Variants in PTPN18 observed in about 807,000 individuals in gnomAD.
PTPN18 encodes the protein tyrosine-protein phosphatase non-receptor type 18.
Under a neutral mutation model 65.4 loss-of-function variants are expected in PTPN18, and 65 were observed. That is an observed-to-expected ratio of 0.99 (90% CI 0.81 to 1.22). PTPN18 has a LOEUF of 1.22. Among genes scored for constraint, PTPN18 ranks in the 50% most tolerant of loss-of-function variants. PTPN18 has a pLI of 0.00. For synonymous variants in PTPN18, 255 were observed against 267.8 expected (o/e 0.95, Z 0.47); for missense variants, 616 against 646.5 (o/e 0.95, Z 0.51).
At chr2:130,367,802 T>C (rs1680434361) in intron 5 of PTPN18, among the ~76,000 whole-genome samples, 1 of 152,228 alleles carries the variant, frequency 6.6e-6, no homozygotes, top group South Asian at 2.1e-4. Flanking sequence ...TGTGGGTTCA[T>C]AGTTTCATCG....
At chr2:130,368,645 G>T (rs1301022620) in intron 5 of PTPN18, among the ~76,000 whole-genome samples, 1 of 152,168 alleles carries the variant, frequency 6.6e-6, no homozygotes, top group Non-Finnish European at 1.5e-5. Flanking sequence ...TTCTATGCAA[G>T]TTATTGTTTT....
At chr2:130,362,683 T>G (rs1478889795) in intron 5 of PTPN18, among the ~76,000 whole-genome samples, 3 of 152,234 alleles carry the variant, frequency 2.0e-5, no homozygotes, top group Non-Finnish European at 2.9e-5. Context: ...CACAGTACAC[T>G]GCTATTATAG....
At position 130,373,411 on chromosome 2, in the gene PTPN18, C is replaced by A; in HGVS notation, c.*187C>A. ...CAAGGCTTGAGGCTGGAGGAGGTAG[C>A]TAGGGTATAGTGGCTGGTGAGGCTG... On this transcript the variant is annotated 3_prime_UTR_variant, in exon 15 of 15. Transcript: ENST00000175756. The surrounding 1 kb of genome is among the most constrained non-coding windows in gnomAD (Gnocchi z 4.1). 1.6e-6 allele frequency: 1 copy of A among 607,464 alleles called. No individual in the cohort carries two copies. The highest frequency in any genetic ancestry group is 2.8e-6 in the Non-Finnish European group (1 of 361,896). 37.6% of individuals were successfully genotyped at this position (607,464 alleles called of 1,614,324 possible).
chr2:130,369,954 T>C, intron 7 of PTPN18, 94 bp from the exon 8 acceptor site: 1 of 1,553,348 alleles, frequency 6.4e-7, no homozygotes. Context: ...AAATGGAAGA[T>C]GCCTAGAAGT....
Position 130,370,209 on chromosome 2 carries a change from A to C in PTPN18, c.689+19A>C. The C allele has an allele frequency of 6.2e-7, 1 of 1,607,744 alleles. No homozygotes were observed. On this transcript the variant is annotated intron_variant, in intron 8 of 14. Transcript: ENST00000175756. ...ACTGCAGGTTTTGGAAATGGGCTTC[A>C]GGAGGGTCTGGTGAGGCAGAGGGGA...
intron 13 of PTPN18, 121 bp downstream of exon 13, chr2:130,372,604 C>T (rs1057375228): frequency 1.2e-4 from 153 of 1,240,642 alleles, no homozygotes; most frequent in Non-Finnish European, 8.6e-6. Context: ...AGCCTGGCCA[C>T]GCCCCGACGC....
In PTPN18 at chr2:130,372,833, GGCTTCCGGAGCTGACCCGTGGGGGGTCT is replaced by G. The variant is rs758326175; in HGVS notation, c.1241-36_1241-9del. The G allele has an allele frequency of 5.6e-6, 9 of 1,610,174 alleles. No homozygotes were observed. Among genetic ancestry groups the G allele is most frequent in the Non-Finnish European group, 7.6e-6 (9 of 1,177,774 alleles). On this transcript the variant is annotated splice_polypyrimidine_tract_variant and intron_variant, in intron 13 of 14. Transcript: ENST00000175756. ...GGGGTGGGGTCTTGGGACTCCCTGG[GGCTTCCGGAGCTGACCCGTGGGGGGTCT>G]GCTGCCCTCAGTTCCTGCTGACCAA...
chr2:130,368,304 G>A (rs1333771188), intron 5 of PTPN18, among the ~76,000 whole-genome samples: 3 of 152,168 alleles, frequency 2.0e-5, no homozygotes, highest in Admixed American at 1.3e-4. Flanking sequence ...TTTGAATTTT[G>A]CACAGGTAAG....
At chr2:130,362,294 G>A (rs748260707) in intron 5 of PTPN18, 2 of 351,464 alleles carry the variant, frequency 5.7e-6, no homozygotes, top group South Asian at 4.1e-5. Flanking sequence ...AATCTAATCT[G>A]ACAGTCTCTG....
chr2:130,359,125 A>G, intron 2 of PTPN18, 108 bp from the exon 3 acceptor site: 1 of 1,492,894 alleles, frequency 6.7e-7, no homozygotes, highest in African/African-American at 1.4e-5. Flanking sequence ...CCTTGGTGGG[A>G]TCTCTGCATG....
chr2:130,358,171 C>A (rs1680054061), intron 1 of PTPN18, among the ~76,000 whole-genome samples: 1 of 152,206 alleles, frequency 6.6e-6, no homozygotes, highest in Admixed American at 6.5e-5. Flanking sequence ...GTTCCCACTA[C>A]ACAAGGGCAT....
chr2:130,371,192 T>C lies in PTPN18; in HGVS notation c.925-7T>C. The C allele has an allele frequency of 6.3e-7, 1 of 1,599,098 alleles. No homozygotes were observed. The highest frequency in any genetic ancestry group is 8.6e-7 in the Non-Finnish European group (1 of 1,168,578). On this transcript the variant is annotated splice_polypyrimidine_tract_variant and splice_region_variant and intron_variant, in intron 11 of 14. Transcript: ENST00000175756. ...CCTCAGGAGCCTCCCCTCCTGTTTT[T>C]CTTCAGAATTGTGCCCCACTCTACG...
chr2:130,373,908 T>TACTC lies in PTPN18; in HGVS notation c.*685_*686insCTCA, dbSNP rs1680658420. The stretch of plus-strand genomic sequence containing the variant: ...GGACAGCCAGGTGGACCCCCTAAGT[T>TACTC]AGATTACTAGACAGATATAAACAGA... On this transcript the variant is annotated 3_prime_UTR_variant, in exon 15 of 15. Coordinates refer to ENST00000175756, the MANE Select transcript of PTPN18 (RefSeq NM_014369.4). The surrounding 1 kb of genome is among the most constrained non-coding windows in gnomAD (Gnocchi z 4.1). 1 of 152,510 alleles carries TACTC rather than the reference T, an allele frequency of 6.6e-6. No individual in the cohort carries two copies. The highest frequency in any genetic ancestry group is 2.4e-5 in the African/African-American group (1 of 41,200). 9.4% of individuals were successfully genotyped at this position (152,510 alleles called of 1,614,324 possible).
At chr2:130,357,269 C>T (rs952638728) in intron 1 of PTPN18, among the ~76,000 whole-genome samples, 8 of 152,164 alleles carry the variant, frequency 5.3e-5, no homozygotes, top group Non-Finnish European at 8.8e-5. Flanking sequence ...GCAAGCCCAG[C>T]ATTAGGAAGG....
intron 12 of PTPN18, among the ~76,000 whole-genome samples, chr2:130,371,676 G>A (rs182511882): frequency 5.3e-4 from 81 of 152,238 alleles, no homozygotes; most frequent in African/African-American, 1.8e-3. Context: ...TTAGCCAGGC[G>A]TGCTGGTGAG....
chr2:130,362,847 C>T (rs1041873559), intron 5 of PTPN18, among the ~76,000 whole-genome samples: 9 of 151,964 alleles, frequency 5.9e-5, no homozygotes, highest in African/African-American at 2.2e-4. Context: ...TGAGACGGAG[C>T]CTCGCTCTGT....
In PTPN18 at chr2:130,358,982, C is replaced by T. The variant is rs369993544; in HGVS notation, c.202+7C>T. On this transcript the variant is annotated splice_region_variant and intron_variant, in intron 2 of 14. Transcript: ENST00000175756. ...TACAAAGACGTGCTGCCTTGTAAGT[C>T]GGGGCTTCCGTAGGGAGTCGGTGCA... 1.1e-4 allele frequency: 176 copies of T among 1,613,362 alleles called. No homozygotes were observed. The highest frequency in any genetic ancestry group is 1.3e-4 in the Non-Finnish European group (157 of 1,179,440).
In PTPN18 at chr2:130,356,175, G is replaced by A; in HGVS notation, c.68G>A (p.Gly23Glu). 7.6e-7 allele frequency: 1 copy of A among 1,316,858 alleles called. No homozygotes were observed. Among genetic ancestry groups the A allele is most frequent in the Non-Finnish European group, 9.6e-7 (1 of 1,037,124 alleles). The allele number at this position is 1,316,858 out of a possible 1,614,324, so 81.6% of individuals were successfully genotyped here. A position where few individuals can be genotyped will look rare whatever the true frequency, so the allele number is the denominator to read the frequency against. Residue 23 changes from glycine (G) to glutamate (E), a missense_variant, in exon 1 of 15, where the codon GGG (glycine) becomes GAG (glutamate). Transcript: ENST00000175756. ...ERLEARGGRE[G>E]AVLAGEFSDI... ...CTGGAAGCGCGGGGCGGCCGGGAGG[G>A]GGCAGTCCTCGCCGGCGAGTTCAGC...
intron 11 of PTPN18, 77 bp from the exon 12 acceptor site, chr2:130,371,122 T>C (rs1680550660): frequency 7.0e-7 from 1 of 1,429,510 alleles, no homozygotes; most frequent in Non-Finnish European, 9.7e-7. Flanking sequence ...TCTCCCATCT[T>C]AAGCTTTCTC....
Sources: gnomAD v4.1 joint callset for allele counts (sites outside exome capture counted in the v4.1 genomes callset) on GRCh38, gnomAD v4.1.1 for gene constraint, Gnocchi (gnomAD v3.1) non-coding constraint, MANE v1.5 for transcripts, NCBI Gene and HGNC (gene_info 2026-07-23, HGNC 2026-07-21) for gene names.